NKIRAS2: variants seen among roughly 807,000 people sequenced by gnomAD.
NKIRAS2 encodes the protein NFKB inhibitor interacting Ras like 2.
Under a neutral mutation model 20.7 loss-of-function variants are expected in NKIRAS2, and 15 were observed. The ratio of observed to expected loss-of-function variants is 0.73; its 90% CI spans 0.49 to 1.12. NKIRAS2 has a LOEUF of 1.12. NKIRAS2 is among the 50% of genes most tolerant of loss of function. NKIRAS2 has a pLI of 0.00. For missense variants in NKIRAS2, 196 were observed against 249.6 expected (o/e 0.79, Z 1.45); for synonymous variants, 116 against 101.4 (o/e 1.14, Z -0.87).
chr17:42,018,161 G>A (rs1410773400), upstream of NKIRAS2, among the ~76,000 whole-genome samples: 3 of 152,084 alleles, frequency 2.0e-5, no homozygotes, highest in African/African-American at 7.2e-5. Context: ...CGCGGGGTGA[G>A]GTCCTTGCTC....
chr17:42,018,937 AAAC>A (rs1195713625), upstream of NKIRAS2, among the ~76,000 whole-genome samples: 1 of 152,228 alleles, frequency 6.6e-6, no homozygotes, highest in Non-Finnish European at 1.5e-5. Context: ...ACAACAGAAA[AAAC>A]AAATGTTGGA....
chr17:42,021,604 G>A lies in NKIRAS2; in HGVS notation c.27G>A (p.Val9=). The A allele has an allele frequency of 6.2e-7, 1 of 1,614,214 alleles. No homozygotes were observed. Among genetic ancestry groups the A allele is most frequent in the South Asian group, 1.1e-5 (1 of 91,088 alleles). The part of the protein sequence containing the change: MGKSCKVV[V]CGQASVGKTS... ...TGGGGAAGAGCTGCAAGGTGGTCGT[G>A]TGTGGCCAGGCGTCTGTGGGCAAAA... is the stretch of plus-strand genomic sequence containing the variant. The change falls in exon 2 of 4, where the codon GTG becomes GTA. Residue 9 remains valine (V), a synonymous_variant. Coordinates refer to ENST00000393885, the MANE Select transcript of NKIRAS2 (RefSeq NM_017595.6).
rs141061455 is a variant in NKIRAS2 at position 42,022,418 on chromosome 17, G to A, written c.114G>A (p.Thr38=). The part of the protein sequence containing the change: ...NHVVGSEMIE[T]QEDIYVGSIE... The stretch of plus-strand genomic sequence containing the variant: ...TACCAGGTTCGGAGATGATCGAGAC[G>A]CAGGAGGACATCTACGTGGGCTCCA... Residue 38 remains threonine (T), a synonymous_variant, in exon 3 of 4, where the codon ACG becomes ACA. Transcript: ENST00000393885. The A allele has an allele frequency of 2.5e-4, 394 of 1,591,804 alleles. No individual in the cohort carries two copies. Among genetic ancestry groups the A allele is most frequent in the Non-Finnish European group, 3.2e-4 (368 of 1,163,662 alleles).
At chr17:42,020,719 G>A (rs2052423866) in intron 1 of NKIRAS2, 1 of 152,180 alleles carries the variant, frequency 6.6e-6, no homozygotes, top group African/African-American at 2.4e-5. Flanking sequence ...TTGTTGTCCA[G>A]ATGAGTCGTA....
At chr17:42,023,508 C>CGG (rs1295723721) in intron 3 of NKIRAS2, 146 bp from the exon 4 acceptor site, 1 of 743,708 alleles carries the variant, frequency 1.3e-6, no homozygotes, top group East Asian at 2.6e-5. Context: ...TCCTTCCCCA[C>CGG]AATGAGTGGT....
chr17:42,024,143 T>C lies in NKIRAS2; in HGVS notation c.*250T>C. 2.0e-6 allele frequency: 1 copy of C among 502,800 alleles called. No homozygotes were observed. Among genetic ancestry groups the C allele is most frequent in the Non-Finnish European group, 3.5e-6 (1 of 284,376 alleles). 31.1% of individuals were successfully genotyped at this position (502,800 alleles called of 1,614,324 possible). A position where few individuals can be genotyped will look rare whatever the true frequency, so the allele number is the denominator to read the frequency against. On this transcript the variant is annotated 3_prime_UTR_variant, in exon 4 of 4. Transcript: ENST00000393885. ...CTTTTAGAGGATCTGCTCCACTGTC[T>C]CCTGGGGCAGTTGTGGGTCACTGTC...
Position 42,021,413 on chromosome 17 carries a change from A to G in NKIRAS2, c.-14-151A>G, listed in dbSNP as rs2052445788. ...GGAACTATACATTCAGTTTAGAACT[A>G]TACATTCAGTTTAGAACTCTCAGTT... On this transcript the variant is annotated intron_variant, in intron 1 of 3. Transcript: ENST00000393885. The G allele has an allele frequency of 6.3e-6, 4 of 635,442 alleles. No homozygotes were observed. The East Asian group carries it at 8.3e-5, about 13-fold the overall frequency. The allele number at this position is 635,442 out of a possible 1,614,324, so 39.4% of individuals were successfully genotyped here.
chr17:42,021,773 T>C (rs1433411884), intron 2 of NKIRAS2, 102 bp downstream of exon 2: 10 of 1,085,088 alleles, frequency 9.2e-6, no homozygotes, highest in Non-Finnish European at 1.3e-5. Context: ...CTGGTGGTTT[T>C]CCCCCCTGGA....
At chr17:42,018,952 G>A (rs111991775), upstream of NKIRAS2, among the ~76,000 whole-genome samples, 631 of 152,326 alleles carry the variant, frequency 4.1e-3, 3 homozygotes, top group Non-Finnish European at 6.5e-3. Flanking sequence ...AATGTTGGAT[G>A]TAATTATTAT....
chr17:42,021,521 G>A, intron 1 of NKIRAS2, 43 bp from the exon 2 acceptor site: 2 of 1,541,672 alleles, frequency 1.3e-6, no homozygotes, highest in Non-Finnish European at 1.8e-6. Flanking sequence ...CTGTGTTGAT[G>A]CTTTCTTTCC....
chr17:42,022,449 A>T lies in NKIRAS2; in HGVS notation c.145A>T (p.Thr49Ser). 6.2e-7 allele frequency: 1 copy of T among 1,607,572 alleles called. No homozygotes were observed. Among genetic ancestry groups the T allele is most frequent in the Non-Finnish European group, 8.5e-7 (1 of 1,174,628 alleles). Residue 49 changes from threonine (T) to serine (S), a missense_variant, in exon 3 of 4, where the codon ACA (threonine) becomes TCA (serine). Thr to Ser is a moderately conservative substitution (Grantham distance 58). Transcript: ENST00000393885. ...GGACATCTACGTGGGCTCCATTGAGACAGACCGGGGGGTGCGAGAGCAGGT... is the reference window on the plus strand; with the variant it reads ...GGACATCTACGTGGGCTCCATTGAGTCAGACCGGGGGGTGCGAGAGCAGGT... ...QEDIYVGSIETDRGVREQVRF... is the reference protein window; with the variant it reads ...QEDIYVGSIESDRGVREQVRF...
intron 3 of NKIRAS2, 49 bp from the exon 4 acceptor site, chr17:42,023,605 C>T (rs1555653538): frequency 6.4e-7 from 1 of 1,571,816 alleles, no homozygotes; most frequent in Non-Finnish European, 8.7e-7. Context: ...ATGTCCATTC[C>T]TGGTTCTATG....
upstream of NKIRAS2, among the ~76,000 whole-genome samples, chr17:42,019,076 A>G (rs2052381787): frequency 6.6e-6 from 1 of 151,978 alleles, no homozygotes; most frequent in Non-Finnish European, 1.5e-5. Context: ...ATCTATCTCC[A>G]CCTTTCCATC....
In NKIRAS2 at chr17:42,023,807, T is replaced by A; in HGVS notation, c.490T>A (p.Leu164Met). 6.2e-7 allele frequency: 1 copy of A among 1,614,180 alleles called. No individual in the cohort carries two copies. Among genetic ancestry groups the A allele is most frequent in the Non-Finnish European group, 8.5e-7 (1 of 1,180,040 alleles). The change falls in exon 4 of 4, where the codon TTG becomes ATG. Residue 164 changes from leucine to methionine, a missense_variant. By Grantham distance (15) the Leu-to-Met change is conservative. Transcript: ENST00000393885. Reference protein sequence around the residue: ...RRSLLEPFVYLASKMTQPQSK... With the variant: ...RRSLLEPFVYMASKMTQPQSK... The stretch of plus-strand genomic sequence containing the variant: ...CTCCCTCCTGGAGCCCTTTGTCTAC[T>A]TGGCCAGCAAGATGACGCAACCCCA...
rs782402155 is a variant in NKIRAS2, at chr17:42,022,417, C to T, written c.113C>T (p.Thr38Met). The change falls in exon 3 of 4, where the codon ACG becomes ATG. Residue 38 changes from threonine to methionine, a missense_variant. Coordinates refer to ENST00000393885, the MANE Select transcript of NKIRAS2 (RefSeq NM_017595.6). ...NHVVGSEMIE[T>M]QEDIYVGSIE... ...ATACCAGGTTCGGAGATGATCGAGA[C>T]GCAGGAGGACATCTACGTGGGCTCC... is the stretch of plus-strand genomic sequence containing the variant. 41 of 1,590,680 alleles carry T rather than the reference C, an allele frequency of 2.6e-5. No homozygotes were observed. Among genetic ancestry groups the T allele is most frequent in the Non-Finnish European group, 3.1e-5 (36 of 1,163,114 alleles).
rs2052526560 is a variant in NKIRAS2 at position 42,024,262 on chromosome 17, T to A, written c.*369T>A. ...TATTATAGGTAGGGGCCCCACCCTC[T>A]GGGCTTCCCATCAGCGACACACACA... On this transcript the variant is annotated 3_prime_UTR_variant, in exon 4 of 4. Coordinates refer to ENST00000393885, the MANE Select transcript of NKIRAS2 (RefSeq NM_017595.6). 3.5e-6 allele frequency: 1 copy of A among 286,104 alleles called. No individual in the cohort carries two copies. Among genetic ancestry groups the A allele is most frequent in the African/African-American group, 2.2e-5 (1 of 45,998 alleles). The allele number at this position is 286,104 out of a possible 1,614,324, so 17.7% of individuals were successfully genotyped here.
intron 2 of NKIRAS2, 162 bp downstream of exon 2, chr17:42,021,833 A>C (rs9894001): frequency 0.83 from 640,770 of 775,948 alleles, 266,001 homozygotes; most frequent in Admixed American, 0.89. Flanking sequence ...CTGAACAAAT[A>C]CGGAGGGAGA....
chr17:42,022,917 C>A, intron 3 of NKIRAS2: 1 of 381,578 alleles, frequency 2.6e-6, no homozygotes, highest in Non-Finnish European at 4.9e-6. Flanking sequence ...TGTATGAAGC[C>A]CCCACTTAGT....
chr17:42,023,553 G>T, intron 3 of NKIRAS2, 101 bp from the exon 4 acceptor site: 1 of 1,034,442 alleles, frequency 9.7e-7, no homozygotes. Context: ...ATCAGCCATT[G>T]AGCTTTCCTC....
Sources: gnomAD v4.1 joint callset for allele counts (sites outside exome capture counted in the v4.1 genomes callset) on GRCh38, gnomAD v4.1.1 for gene constraint, MANE v1.5 for transcripts, NCBI Gene and HGNC (gene_info 2026-07-23, HGNC 2026-07-21) for gene names.